The following MROH2B variants were observed in gnomAD, a reference collection of about 807,000 sequenced individuals.
MROH2B encodes maestro heat like repeat family member 2B, also known as maestro heat-like repeat-containing protein family member 2B.
A neutral mutation model predicts 208.6 loss-of-function variants in MROH2B; 177 were observed. The observed-to-expected ratio is 0.85, with a 90% CI of 0.75 to 0.96. The LOEUF is 0.96. MROH2B is among the 40% of genes least tolerant of loss of function. The pLI is 0.00. For missense variants in MROH2B, 2,002 were observed against 1,878.7 expected (o/e 1.07, Z -1.21); for synonymous variants, 728 against 659.0 (o/e 1.10, Z -1.60).
Position 41,000,824 on chromosome 5 carries a change from C to A in MROH2B, c.4204G>T (p.Asp1402Tyr). 6.2e-7 allele frequency: 1 copy of A among 1,610,518 alleles called. No homozygotes were observed. The highest frequency in any genetic ancestry group is 2.2e-5 in the East Asian group (1 of 44,806). ...AAGAAGATGGCAGTCAATCTCACAT[C>A]ATCCTGCTCCTGTGGTGACGAATGC... ...TRTFFEDEQD[D>Y]VRLTAIFLFE... Residue 1402 changes from aspartate to tyrosine, a missense_variant, in exon 38 of 42, where the codon GAT becomes TAT. Asp to Tyr is a radical substitution (Grantham distance 160). Transcript: ENST00000399564.
chr5:41,060,287 A>T (rs1407375977), intron 6 of MROH2B, among the ~76,000 whole-genome samples: 1 of 151,972 alleles, frequency 6.6e-6, no homozygotes, highest in Non-Finnish European at 1.5e-5. Context: ...TCCACCCCAT[A>T]CCCCTCTATT....
intron 30 of MROH2B, among the ~76,000 whole-genome samples, 195 bp downstream of exon 30, chr5:41,012,388 A>G (rs1340477214): frequency 1.3e-5 from 2 of 152,240 alleles, no homozygotes; most frequent in Middle Eastern, 3.2e-3. Context: ...ATTAAAAGAC[A>G]AGAGAGGCAA....
In MROH2B at chr5:41,044,820, A is replaced by T. The variant is rs535828947; in HGVS notation, c.1836+926T>A. Among the ~76,000 whole-genome samples the T allele has an allele frequency of 2.1e-3, 327 of 152,336 alleles. 1 individual carries two copies. The highest frequency in any genetic ancestry group is 2.4e-3 in the Non-Finnish European group (160 of 68,028). On this transcript the variant is annotated intron_variant, in intron 18 of 41. Transcript: ENST00000399564. ...AGAAACTTAAATATTTTTCCAGGAA[A>T]ATAAACTTATGAATGGTATTAGCAT...
intron 5 of MROH2B, among the ~76,000 whole-genome samples, 191 bp from the exon 6 acceptor site, chr5:41,061,915 G>A (rs528213052): frequency 2.0e-5 from 3 of 152,304 alleles, no homozygotes; most frequent in Admixed American, 6.5e-5. Context: ...AGCATAATGA[G>A]CCACTACTAT....
At chr5:41,056,949 G>T (rs1459752246) in intron 9 of MROH2B, 160 bp downstream of exon 9, 3 of 732,212 alleles carry the variant, frequency 4.1e-6, no homozygotes, top group Non-Finnish European at 6.9e-6. Flanking sequence ...GGGAACTTGT[G>T]GGGAGAGGGG....
At chr5:41,000,189 T>C in intron 39 of MROH2B, 31 bp downstream of exon 39, 2 of 1,612,262 alleles carry the variant, frequency 1.2e-6, no homozygotes, top group East Asian at 4.5e-5. Context: ...TGTCCTGCCT[T>C]TTTTGGAGGC....
rs748466630 is a variant in MROH2B, at chr5:41,004,799, T to C, written c.3986A>G (p.Asn1329Ser). The C allele has an allele frequency of 1.2e-6, 2 of 1,613,968 alleles. No individual in the cohort carries two copies. Among genetic ancestry groups the C allele is most frequent in the Admixed American group, 3.3e-5 (2 of 60,018 alleles). The change falls in exon 36 of 42, where the codon AAC becomes AGC. Residue 1329 changes from asparagine (N) to serine (S), a missense_variant. By Grantham distance (46) the Asn-to-Ser change is conservative (BLOSUM62 1). Coordinates refer to ENST00000399564, the MANE Select transcript of MROH2B (RefSeq NM_173489.5). ...LRQMAIRGLG[N>S]TASGAPHKVK... ...CTTGTGAGGAGCCCCGGATGCTGTG[T>C]TGCCGAGCCCTCGGATGGCCATCTG...
At chr5:41,016,502 T>TTTTG (rs1165776550) in intron 28 of MROH2B, among the ~76,000 whole-genome samples, 2 of 133,750 alleles carry the variant, frequency 1.5e-5, no homozygotes, top group African/African-American at 5.6e-5. Context: ...TGTAATGTTT[T>TTTTG]TTTTTTTTTT....
intron 7 of MROH2B, among the ~76,000 whole-genome samples, chr5:41,057,619 C>A (rs1743503088): frequency 8.2e-6 from 1 of 121,504 alleles, no homozygotes; most frequent in African/African-American, 3.1e-5. Flanking sequence ...TGCAATGGCG[C>A]AATCTCGGTT....
At chr5:41,005,422 C>CCCCTT (rs2111809150) in intron 35 of MROH2B, 109 bp downstream of exon 35, 1 of 151,116 alleles carries the variant, frequency 6.6e-6, no homozygotes, top group East Asian at 1.1e-4. Flanking sequence ...AACCCCCCCC[C>CCCCTT]CCCTTGAAGT....
rs1453616396 is a variant in MROH2B, at chr5:41,018,883, T to G, written c.2577A>C (p.Gln859His). The change falls in exon 25 of 42, where the codon CAA (glutamine) becomes CAC (histidine). Residue 859 changes from glutamine to histidine, a missense_variant and splice_region_variant. Gln to His is a conservative substitution (Grantham distance 24). Coordinates refer to ENST00000399564, the MANE Select transcript of MROH2B (RefSeq NM_173489.5). Reference sequence around the variant, plus strand: ...CTACTTAGGCCTCACTAGTGCATACTTGAATGTGCTCCTTGTCCTTGTCTG... The same window carrying G: ...CTACTTAGGCCTCACTAGTGCATACGTGAATGTGCTCCTTGTCCTTGTCTG... Reference protein sequence around the residue: ...GQTDKDKEHIQFLYERSMDAL... With the variant: ...GQTDKDKEHIHFLYERSMDAL... 3 of 1,613,782 alleles carry G rather than the reference T, an allele frequency of 1.9e-6. No individual in the cohort carries two copies. The highest frequency in any genetic ancestry group is 1.7e-5 in the Admixed American group (1 of 59,932).
intron 24 of MROH2B, among the ~76,000 whole-genome samples, chr5:41,026,232 G>T (rs1203656081): frequency 6.6e-6 from 1 of 152,296 alleles, no homozygotes; most frequent in Admixed American, 6.5e-5. Context: ...ATTAGGAAAA[G>T]AGGAAGTCAA....
At chr5:41,023,045 A>T (rs1244441324) in intron 24 of MROH2B, among the ~76,000 whole-genome samples, 4 of 152,200 alleles carry the variant, frequency 2.6e-5, no homozygotes, top group Non-Finnish European at 5.9e-5. Flanking sequence ...CCGTCTGTAC[A>T]TCACCATCAT....
intron 12 of MROH2B, 44 bp from the exon 13 acceptor site, chr5:41,051,134 G>C: frequency 7.5e-7 from 1 of 1,330,952 alleles, no homozygotes; most frequent in Non-Finnish European, 1.0e-6. Flanking sequence ...GACTCCTAAG[G>C]TTGGTCCCCT....
rs763571280 is a variant in MROH2B, at chr5:41,049,431, T to C, written c.1350A>G (p.Leu450=). 3.1e-6 allele frequency: 5 copies of C among 1,610,910 alleles called. No individual in the cohort carries two copies. Among genetic ancestry groups the C allele is most frequent in the African/African-American group, 2.7e-5 (2 of 74,722 alleles). The part of the protein sequence containing the change: ...DPLVIGMPQV[L]WPRILTFVVP... ...CCACAAAAGTCAGGATCCTTGGCCATAGCACCTGTGGAAAACAGGGCATGA... is the reference window on the plus strand; with the variant it reads ...CCACAAAAGTCAGGATCCTTGGCCACAGCACCTGTGGAAAACAGGGCATGA... Residue 450 remains leucine, a synonymous_variant, in exon 14 of 42, where the codon CTA becomes CTG. Transcript: ENST00000399564.
intron 39 of MROH2B, chr5:40,999,992 T>A (rs1741334704): frequency 1.4e-6 from 1 of 695,758 alleles, no homozygotes; most frequent in African/African-American, 1.8e-5. Flanking sequence ...ATATGAATTT[T>A]AGGAACCAAG....
Position 41,061,554 on chromosome 5 carries a change from C to A in MROH2B, c.615+16G>T. On this transcript the variant is annotated intron_variant, in intron 6 of 41. Transcript: ENST00000399564. ...TATAGGGACATCCAGCTTGAGGCAT[C>A]CTGAGGCCCACTCACCTGCATGGGT... is the stretch of plus-strand genomic sequence containing the variant. The A allele has an allele frequency of 1.3e-6, 2 of 1,597,868 alleles. No homozygotes were observed. Among genetic ancestry groups the A allele is most frequent in the South Asian group, 1.1e-5 (1 of 87,826 alleles).
At chr5:41,029,484 C>T (rs78520883) in intron 24 of MROH2B, among the ~76,000 whole-genome samples, 1,849 of 152,138 alleles carry the variant, frequency 0.012, 11 homozygotes, top group Non-Finnish European at 0.019. Context: ...GATGTAGTGT[C>T]ATTTATTTAT....
intron 35 of MROH2B, 155 bp downstream of exon 35, chr5:41,005,376 C>G: frequency 1.7e-6 from 1 of 586,632 alleles, no homozygotes; most frequent in Middle Eastern, 4.6e-4. Context: ...TGCTTAGGTA[C>G]CATATATCTG....
Sources: allele counts gnomAD v4.1 joint callset (sites outside exome capture counted in the v4.1 genomes callset), GRCh38; gene constraint gnomAD v4.1.1; transcripts MANE v1.5; gene names NCBI Gene and HGNC (gene_info 2026-07-23, HGNC 2026-07-21).